The following LOXL2 variants were observed in gnomAD, a reference collection of about 807,000 sequenced individuals.
The protein encoded by LOXL2 is lysyl oxidase homolog 2.
A neutral mutation model predicts 93.0 loss-of-function variants in LOXL2; 70 were observed. That is an observed-to-expected ratio of 0.75 (90% CI 0.62 to 0.92). The LOEUF is 0.92. Among genes scored for constraint, LOXL2 ranks in the 40% least tolerant of loss-of-function variants. The pLI is 0.00. For missense variants in LOXL2, 973 were observed against 1,054.9 expected (o/e 0.92, Z 1.08); for synonymous variants, 438 against 413.2 (o/e 1.06, Z -0.73).
chr8:23,356,886 G>T (rs182793235), intron 3 of LOXL2, among the ~76,000 whole-genome samples: 44 of 152,236 alleles, frequency 2.9e-4, no homozygotes, highest in Non-Finnish European at 4.9e-4. Context: ...TCTCCAAGGC[G>T]TACATCTTGT....
At chr8:23,340,636 T>C (rs976948127) in intron 4 of LOXL2, among the ~76,000 whole-genome samples, 12 of 152,198 alleles carry the variant, frequency 7.9e-5, no homozygotes, top group Non-Finnish European at 7.4e-5. Flanking sequence ...GGCCAGGGTA[T>C]TGCCCTAGCC....
chr8:23,372,433 G>T (rs970309536), intron 1 of LOXL2, among the ~76,000 whole-genome samples: 11 of 152,134 alleles, frequency 7.2e-5, no homozygotes, highest in Non-Finnish European at 1.3e-4. Context: ...GGCCAGGCTG[G>T]TCTCAAACCC....
At chr8:23,345,354 T>C (rs1429932688) in intron 3 of LOXL2, among the ~76,000 whole-genome samples, 1 of 152,218 alleles carries the variant, frequency 6.6e-6, no homozygotes, top group Non-Finnish European at 1.5e-5. Flanking sequence ...CTCAGAATTC[T>C]GGGTGTCCCC....
intron 1 of LOXL2, among the ~76,000 whole-genome samples, chr8:23,402,441 G>C (rs1800164618): frequency 6.6e-6 from 1 of 152,244 alleles, no homozygotes; most frequent in African/African-American, 2.4e-5. Context: ...TTCCAGGGCA[G>C]ATACTAGGGA....
intron 9 of LOXL2, 34 bp from the exon 10 acceptor site, chr8:23,309,945 G>A: frequency 7.0e-7 from 1 of 1,430,550 alleles, no homozygotes. Context: ...AACAAGGCAA[G>A]AGACCCCTCC....
intron 12 of LOXL2, 126 bp downstream of exon 12, chr8:23,301,901 G>T (rs1201686638): frequency 2.5e-6 from 3 of 1,178,112 alleles, no homozygotes; most frequent in African/African-American, 1.5e-5. Flanking sequence ...GCCTCTGGGG[G>T]TAGCACCTTG....
rs1230197261 is a variant in LOXL2 at position 23,368,373 on chromosome 8, C to T, written c.-22G>A. ...CCATCCCTGTCTTCGGGCTGATGAT[C>T]CCACGAAGGGGCCCTGCGCAGCTGG... On this transcript the variant is annotated 5_prime_UTR_variant, in exon 2 of 14. Transcript: ENST00000389131. 1 of 1,597,200 alleles carries T rather than the reference C, an allele frequency of 6.3e-7. No homozygotes were observed. Among genetic ancestry groups the T allele is most frequent in the Non-Finnish European group, 8.5e-7 (1 of 1,170,236 alleles).
Position 23,319,305 on chromosome 8 carries a change from A to G in LOXL2, c.1470+580T>C, listed in dbSNP as rs372357409. On this transcript the variant is annotated intron_variant, in intron 8 of 13. Transcript: ENST00000389131. Reference sequence around the variant, plus strand: ...GGGCGGGAGGGTGGGAACTAGGACCAGAGCTCAGCTGTTCTCAGCTGAGTC... The same window carrying G: ...GGGCGGGAGGGTGGGAACTAGGACCGGAGCTCAGCTGTTCTCAGCTGAGTC... 1.8e-3 allele frequency among the ~76,000 whole-genome samples: 270 copies of G among 150,878 alleles called. 5 individuals are homozygous for G. In the South Asian group the frequency reaches 0.037, roughly 21 times the overall value.
chr8:23,380,062 T>C (rs563865727), intron 1 of LOXL2, among the ~76,000 whole-genome samples: 1 of 152,336 alleles, frequency 6.6e-6, no homozygotes, highest in African/African-American at 2.4e-5. Context: ...AAGCTGTTCC[T>C]ATTTGGCCAT....
chr8:23,396,526 A>G lies in LOXL2; in HGVS notation c.-84+7428T>C, dbSNP rs1025903432. Among the ~76,000 whole-genome samples the G allele has an allele frequency of 5.9e-5, 9 of 152,306 alleles. No individual in the cohort carries two copies. The South Asian group carries it at 1.9e-3, about 32-fold the overall frequency. The stretch of plus-strand genomic sequence containing the variant: ...TACAATGGCCAAGGGGCAGCCTGGA[A>G]TGATCCTAGTGGTGATACCCTAACA... On this transcript the variant is annotated intron_variant, in intron 1 of 13. Coordinates refer to ENST00000389131, the MANE Select transcript of LOXL2 (RefSeq NM_002318.3).
intron 3 of LOXL2, among the ~76,000 whole-genome samples, chr8:23,346,249 G>T: frequency 6.6e-6 from 1 of 151,228 alleles, no homozygotes. Flanking sequence ...AATGCCAGAA[G>T]CTGGTCAAGC....
chr8:23,354,949 A>ATATATATATATATTTT (rs1563200180), intron 3 of LOXL2, among the ~76,000 whole-genome samples: 1 of 77,694 alleles, frequency 1.3e-5, no homozygotes, highest in Non-Finnish European at 2.4e-5. Context: ...ATATATATAT[A>ATATATATATATATTTT]TTTTTTTTTT....
At chr8:23,340,127 G>A (rs1803857412) in intron 4 of LOXL2, among the ~76,000 whole-genome samples, 1 of 152,200 alleles carries the variant, frequency 6.6e-6, no homozygotes, top group Non-Finnish European at 1.5e-5. Context: ...GCCAGGGTGT[G>A]CGTGAGGCCT....
At chr8:23,305,189 T>C (rs890150561) in intron 10 of LOXL2, among the ~76,000 whole-genome samples, 1 of 152,232 alleles carries the variant, frequency 6.6e-6, no homozygotes, top group Non-Finnish European at 1.5e-5. Flanking sequence ...TATGTGACCA[T>C]GTTTACCAGC....
chr8:23,314,853 A>T (rs1252909855), intron 9 of LOXL2, among the ~76,000 whole-genome samples: 1 of 145,692 alleles, frequency 6.9e-6, no homozygotes, highest in Non-Finnish European at 1.5e-5. Context: ...AAATAAAAAT[A>T]AAAAAGGAGA....
At chr8:23,394,697 C>T (rs773151894) in intron 1 of LOXL2, among the ~76,000 whole-genome samples, 2 of 151,920 alleles carry the variant, frequency 1.3e-5, no homozygotes, top group South Asian at 4.2e-4. Context: ...TTTGGTGATT[C>T]CTCAAAAAGC....
chr8:23,328,847 G>T, intron 5 of LOXL2: 1 of 374,532 alleles, frequency 2.7e-6, no homozygotes, highest in Non-Finnish European at 5.0e-6. Flanking sequence ...GTCCCCTGGG[G>T]AGCCCATTGG....
intron 1 of LOXL2, among the ~76,000 whole-genome samples, chr8:23,379,625 CT>C (rs1804646540): frequency 7.1e-6 from 1 of 141,482 alleles, no homozygotes; most frequent in Non-Finnish European, 1.5e-5. Context: ...CTACTCAAGC[CT>C]CAGCAATGGC....
chr8:23,360,113 T>C lies in LOXL2; in HGVS notation c.508A>G (p.Asn170Asp). ...GCCTCTATCTGGTTGATCAACGAAT[T>C]GTCAAATTTGAACCCAGGAATCCTT... ...DKRIPGFKFD[N>D]SLINQIENLN... is the part of the protein sequence containing the mutation. Residue 170 changes from asparagine (N) to aspartate (D), a missense_variant, in exon 3 of 14, where the codon AAT (asparagine) becomes GAT (aspartate). Physicochemically the swap from Asn to Asp is conservative, Grantham distance 23. Coordinates refer to ENST00000389131, the MANE Select transcript of LOXL2 (RefSeq NM_002318.3). 3 of 1,605,396 alleles carry C rather than the reference T, an allele frequency of 1.9e-6. No individual in the cohort carries two copies. The highest frequency in any genetic ancestry group is 2.6e-6 in the Non-Finnish European group (3 of 1,172,426).
Sources: allele counts gnomAD v4.1 joint callset (sites outside exome capture counted in the v4.1 genomes callset), GRCh38; gene constraint gnomAD v4.1.1; transcripts MANE v1.5; gene names NCBI Gene and HGNC (gene_info 2026-07-23, HGNC 2026-07-21).